The following ZNF736 variants were observed in gnomAD, a reference collection of about 807,000 sequenced individuals.
ZNF736 encodes the protein zinc finger protein 736, also known as KRAB-containing zinc-finger repressor protein.
Under a neutral mutation model 11.7 loss-of-function variants are expected in ZNF736, and 6 were observed. The ratio of observed to expected loss-of-function variants is 0.51; its 90% CI spans 0.28 to 1.01. The LOEUF is 1.01. Among genes scored for constraint, ZNF736 ranks in the 50% least tolerant of loss-of-function variants. ZNF736 has a pLI of 0.09. For missense variants in ZNF736, 444 were observed against 496.0 expected, an observed-to-expected ratio of 0.90 and a Z score of 1.00; for synonymous variants, 139 against 164.7, an observed-to-expected ratio of 0.84 and a Z score of 1.19.
At position 64,344,976 on chromosome 7, in the gene ZNF736, GT is replaced by G. The variant is rs967545089; in HGVS notation, c.227-3104del. Reference sequence around the variant, plus strand: ...CTTGAGATCTTATGTAATTTTGTGGGTTTTTTTTTTCTTTTTGGAAAAGTAA... The same window carrying G: ...CTTGAGATCTTATGTAATTTTGTGGGTTTTTTTTTCTTTTTGGAAAAGTAA... On this transcript the variant is annotated intron_variant, in intron 3 of 3. Coordinates refer to ENST00000423484, the MANE Select transcript of ZNF736 (RefSeq NM_001170905.3). Among the ~76,000 whole-genome samples, 452 of 142,416 alleles carry G rather than the reference GT, an allele frequency of 3.2e-3. 1 individual carries two copies. The highest frequency in any genetic ancestry group is 4.9e-3 in the Non-Finnish European group (316 of 64,424). The allele number at this position is 142,416 out of a possible 152,430, so 93.4% of individuals were successfully genotyped here. A position where few individuals can be genotyped will look rare whatever the true frequency, so the allele number is the denominator to read the frequency against.
chr7:64,356,478 A>G lies in ZNF736; in HGVS notation c.*7331A>G. 6.6e-6 allele frequency among the ~76,000 whole-genome samples: 1 copy of G among 152,266 alleles called. No homozygotes were observed. The highest frequency in any genetic ancestry group is 1.5e-5 in the Non-Finnish European group (1 of 68,008). ...TTTTAAGTTGCCTATTTTTAAAAAA[A>G]TCTATCAATTTTGAATTGCATACCT... On this transcript the variant is annotated 3_prime_UTR_variant, in exon 4 of 4. Transcript: ENST00000423484.
At chr7:64,314,690 A>G (rs916503920) in intron 1 of ZNF736, among the ~76,000 whole-genome samples, 1 of 151,982 alleles carries the variant, frequency 6.6e-6, no homozygotes, top group African/African-American at 2.4e-5. Flanking sequence ...CCAGCCCCCC[A>G]AGTAGCTAGG....
intron 1 of ZNF736, among the ~76,000 whole-genome samples, chr7:64,314,740 G>C (rs1333189135): frequency 6.6e-6 from 1 of 152,076 alleles, no homozygotes; most frequent in Non-Finnish European, 1.5e-5. Flanking sequence ...TGTTTTGTTT[G>C]TTTTTGTAGA....
At chr7:64,319,317 GTGTGTGTGTGTATGTGTATATA>G (rs1788962729) in intron 1 of ZNF736, among the ~76,000 whole-genome samples, 2 of 101,172 alleles carry the variant, frequency 2.0e-5, no homozygotes, top group Admixed American at 2.2e-4. Context: ...GTATATGTAT[GTGTGTGTGTGTATGTGTATATA>G]TATATATATA....
intron 1 of ZNF736, among the ~76,000 whole-genome samples, chr7:64,334,724 G>A (rs1789220541): frequency 6.6e-6 from 1 of 152,216 alleles, no homozygotes; most frequent in African/African-American, 2.4e-5. Flanking sequence ...GGAAGACAGT[G>A]TGGTGATTCC....
chr7:64,314,189 A>G, intron 1 of ZNF736, 36 bp downstream of exon 1: 5 of 1,551,256 alleles, frequency 3.2e-6, no homozygotes, highest in Non-Finnish European at 4.4e-6. Context: ...AGAATGGGGA[A>G]GAGGCTGTTT....
In ZNF736 at chr7:64,348,616, T is replaced by C. The variant is rs1448733442; in HGVS notation, c.753T>C (p.His251=). ...SSTLVKHKRN[H]TGDRPYKCEE... Reference sequence around the variant, plus strand: ...CCCTTGTTAAACACAAGAGAAATCATACTGGAGACAGACCCTACAAATGTG... The same window carrying C: ...CCCTTGTTAAACACAAGAGAAATCACACTGGAGACAGACCCTACAAATGTG... The change falls in exon 4 of 4, where the codon CAT becomes CAC. Residue 251 remains histidine (H), a synonymous_variant. Coordinates refer to ENST00000423484, the MANE Select transcript of ZNF736 (RefSeq NM_001170905.3). The C allele has an allele frequency of 1.2e-6, 2 of 1,603,780 alleles. No homozygotes were observed. The highest frequency in any genetic ancestry group is 8.5e-7 in the Non-Finnish European group (1 of 1,175,036).
At chr7:64,323,699 T>G (rs1382413449) in intron 1 of ZNF736, among the ~76,000 whole-genome samples, 1 of 152,048 alleles carries the variant, frequency 6.6e-6, no homozygotes, top group Non-Finnish European at 1.5e-5. Flanking sequence ...ATGAGATACA[T>G]GGACACCTTG....
intron 3 of ZNF736, among the ~76,000 whole-genome samples, chr7:64,340,650 T>C (rs1789324556): frequency 6.6e-6 from 1 of 152,134 alleles, no homozygotes; most frequent in Non-Finnish European, 1.5e-5. Context: ...AAAATGATTC[T>C]TTTTCTGCCT....
chr7:64,315,503 G>A (rs566917860), intron 1 of ZNF736, among the ~76,000 whole-genome samples: 3 of 152,238 alleles, frequency 2.0e-5, no homozygotes, highest in South Asian at 2.1e-4. Flanking sequence ...TTGGCAGCTT[G>A]TGGTTGGTTA....
chr7:64,318,279 A>G (rs1788944220), intron 1 of ZNF736, among the ~76,000 whole-genome samples: 1 of 151,942 alleles, frequency 6.6e-6, no homozygotes, highest in Admixed American at 6.6e-5. Context: ...TTACTTGGAG[A>G]TAATTTAGAT....
rs905786420 is a variant in ZNF736 at position 64,353,933 on chromosome 7, T to C, written c.*4786T>C. Reference sequence around the variant, plus strand: ...TTATTGTTATTGTGTTAAGGCTATTTTACATTGAATGTGTATCTTGCCACT... The same window carrying C: ...TTATTGTTATTGTGTTAAGGCTATTCTACATTGAATGTGTATCTTGCCACT... On this transcript the variant is annotated 3_prime_UTR_variant, in exon 4 of 4. Coordinates refer to ENST00000423484, the MANE Select transcript of ZNF736 (RefSeq NM_001170905.3). 7 of 152,230 alleles carry C rather than the reference T, an allele frequency of 4.6e-5. No individual in the cohort carries two copies. Among genetic ancestry groups the C allele is most frequent in the Non-Finnish European group, 5.9e-5 (4 of 68,034 alleles). The allele number at this position is 152,230 out of a possible 1,614,324, so 9.4% of individuals were successfully genotyped here.
chr7:64,326,543 T>A (rs1405931223), intron 1 of ZNF736, among the ~76,000 whole-genome samples: 1 of 152,208 alleles, frequency 6.6e-6, no homozygotes, highest in Non-Finnish European at 1.5e-5. Flanking sequence ...TTCTTCTGAA[T>A]TTTTGTTTTT....
rs1789517466 is a variant in ZNF736, at chr7:64,353,547, T to G, written c.*4400T>G. ...TTACATTTGATGCTGTGTCTTCATT[T>G]CTAGAATTTATGTGAAAGAACATGG... On this transcript the variant is annotated 3_prime_UTR_variant, in exon 4 of 4. Coordinates refer to ENST00000423484, the MANE Select transcript of ZNF736 (RefSeq NM_001170905.3). The G allele has an allele frequency of 6.6e-6, 1 of 152,250 alleles. No individual in the cohort carries two copies. The highest frequency in any genetic ancestry group is 1.5e-5 in the Non-Finnish European group (1 of 68,042). 9.4% of individuals were successfully genotyped at this position (152,250 alleles called of 1,614,324 possible).
In ZNF736 at chr7:64,356,466, A is replaced by G. The variant is rs1291010012; in HGVS notation, c.*7319A>G. ...CCAATAAAATGTTTTTAAGTTGCCT[A>G]TTTTTAAAAAAATCTATCAATTTTG... On this transcript the variant is annotated 3_prime_UTR_variant, in exon 4 of 4. Coordinates refer to ENST00000423484, the MANE Select transcript of ZNF736 (RefSeq NM_001170905.3). Among the ~76,000 whole-genome samples, 2 of 152,134 alleles carry G rather than the reference A, an allele frequency of 1.3e-5. No homozygotes were observed. Among genetic ancestry groups the G allele is most frequent in the African/African-American group, 2.4e-5 (1 of 41,458 alleles).
chr7:64,338,135 C>T (rs1789286230), intron 3 of ZNF736, among the ~76,000 whole-genome samples: 1 of 152,114 alleles, frequency 6.6e-6, no homozygotes, highest in African/African-American at 2.4e-5. Flanking sequence ...ATGAAGCTCA[C>T]TGTGATTGTG....
At chr7:64,327,133 T>G (rs1284593876) in intron 1 of ZNF736, among the ~76,000 whole-genome samples, 1 of 152,144 alleles carries the variant, frequency 6.6e-6, no homozygotes, top group Admixed American at 6.5e-5. Context: ...TGTCTACTGT[T>G]TAAAGTCTCT....
At chr7:64,325,167 T>TA (rs35847954) in intron 1 of ZNF736, among the ~76,000 whole-genome samples, 9,136 of 148,750 alleles carry the variant, frequency 0.061, 376 homozygotes, top group Admixed American at 0.14. Context: ...AAACCAGTTG[T>TA]AAAAAAAAAA....
In ZNF736 at chr7:64,334,664, A is replaced by G. The variant is rs549949251; in HGVS notation, c.4-1595A>G. On this transcript the variant is annotated intron_variant, in intron 1 of 3. Transcript: ENST00000423484. ...GATACTGGCAAGGATGTGGAGAAATAGGAATGCTTTTACACTGTTGGTGGG... is the reference window on the plus strand; with the variant it reads ...GATACTGGCAAGGATGTGGAGAAATGGGAATGCTTTTACACTGTTGGTGGG... Among the ~76,000 whole-genome samples the G allele has an allele frequency of 3.3e-5, 5 of 152,358 alleles. No individual in the cohort carries two copies. The South Asian group carries it at 8.3e-4, about 25-fold the overall frequency.
Sources: allele counts gnomAD v4.1 joint callset (sites outside exome capture counted in the v4.1 genomes callset), GRCh38; gene constraint gnomAD v4.1.1; transcripts MANE v1.5; gene names NCBI Gene and HGNC (gene_info 2026-07-23, HGNC 2026-07-21).